The following TMEM164 variants were observed in gnomAD, a reference collection of about 807,000 sequenced individuals.
TMEM164 encodes RP13-360B22.2.
In TMEM164, 4 loss-of-function variants were observed where a neutral mutation model predicts 18.8. The observed-to-expected ratio is 0.21, with a 90% CI of 0.10 to 0.49. The LOEUF is 0.49. TMEM164 is among the 20% of genes least tolerant of loss of function. TMEM164 has a pLI of 0.98. For missense variants in TMEM164, 108 were observed against 239.9 expected, an observed-to-expected ratio of 0.45 and a Z score of 3.63; for synonymous variants, 86 against 101.7, an observed-to-expected ratio of 0.85 and a Z score of 0.93.
intron 3 of TMEM164, among the ~76,000 whole-genome samples, chrX:110,083,568 G>A (rs2065789963): frequency 9.0e-6 from 1 of 111,044 alleles, no homozygotes; most frequent in Admixed American, 9.6e-5. Flanking sequence ...GAATGTTTCT[G>A]TCAGGTTCTC....
intron 2 of TMEM164, among the ~76,000 whole-genome samples, chrX:110,017,903 C>T (rs1461709610): frequency 9.0e-6 from 1 of 111,571 alleles, no homozygotes; most frequent in East Asian, 2.8e-4. Context: ...GGTATAGCAA[C>T]TGTTTTTTTC....
At chrX:110,021,634 T>G (rs957199334) in intron 2 of TMEM164, among the ~76,000 whole-genome samples, 3 of 110,883 alleles carry the variant, frequency 2.7e-5, no homozygotes, top group African/African-American at 9.9e-5. Context: ...AGCAGGGTAG[T>G]TGAGAAGGGA....
chrX:110,140,121 C>A (rs2066748227), intron 4 of TMEM164, among the ~76,000 whole-genome samples: 2 of 111,297 alleles, frequency 1.8e-5, no homozygotes, highest in African/African-American at 6.5e-5. Flanking sequence ...AGGGGAAAGG[C>A]AAAACCTTCA....
At chrX:110,152,937 G>A (rs747657604) in intron 5 of TMEM164, among the ~76,000 whole-genome samples, 149 of 111,417 alleles carry the variant, frequency 1.3e-3, no homozygotes, top group African/African-American at 4.4e-3. Context: ...GCACAAGACC[G>A]TATGACCTGA....
intron 2 of TMEM164, among the ~76,000 whole-genome samples, chrX:110,033,067 G>A (rs1934589818): frequency 8.9e-6 from 1 of 111,924 alleles, no homozygotes; most frequent in South Asian, 3.7e-4. Flanking sequence ...TTGTTGGCAC[G>A]GGTTTATGTT....
chrX:110,020,563 A>G (rs764214991), intron 2 of TMEM164: 1 of 752,658 alleles, frequency 1.3e-6, no homozygotes, highest in African/African-American at 2.3e-5. Context: ...CCATCCAGGA[A>G]GTGGAATGAG....
At chrX:110,037,984 ATTTTT>A (rs1036705725) in intron 2 of TMEM164, among the ~76,000 whole-genome samples, 6 of 72,710 alleles carry the variant, frequency 8.3e-5, no homozygotes, top group African/African-American at 3.1e-4. Context: ...CTTTGGACTC[ATTTTT>A]TTTTTTTTTT....
rs1354733459 is a variant in TMEM164, at chrX:110,175,151, G to T, written c.*1700G>T. On this transcript the variant is annotated 3_prime_UTR_variant, in exon 7 of 7. Transcript: ENST00000372068. Reference sequence around the variant, plus strand: ...TGTTTTTGGCCCTCTTTGAAGGCAGGGCCAAACTTTTCTTAGTGCCTCTCA... The same window carrying T: ...TGTTTTTGGCCCTCTTTGAAGGCAGTGCCAAACTTTTCTTAGTGCCTCTCA... 8.9e-6 allele frequency: 1 copy of T among 112,630 alleles called. No homozygotes were observed. The highest frequency in any genetic ancestry group is 3.2e-5 in the African/African-American group (1 of 31,004). The allele number at this position is 112,630 out of a possible 1,213,427, so 9.3% of individuals were successfully genotyped here.
chrX:110,083,228 C>T (rs928719944), intron 3 of TMEM164, among the ~76,000 whole-genome samples: 1 of 111,286 alleles, frequency 9.0e-6, no homozygotes, highest in Non-Finnish European at 1.9e-5. Flanking sequence ...CTTGTCAGTC[C>T]ATCAAAAATT....
intron 5 of TMEM164, among the ~76,000 whole-genome samples, chrX:110,163,565 A>G (rs940776390): frequency 1.8e-5 from 2 of 112,139 alleles, no homozygotes; most frequent in African/African-American, 6.5e-5. Flanking sequence ...CAATTATTTC[A>G]AGGAATTTAG....
chrX:110,073,323 A>G (rs1046239724), intron 3 of TMEM164, among the ~76,000 whole-genome samples: 1 of 112,038 alleles, frequency 8.9e-6, no homozygotes, highest in Non-Finnish European at 1.9e-5. Context: ...GGCATGAGCT[A>G]CTATGCCTGG....
chrX:110,084,151 A>G lies in TMEM164; in HGVS notation c.440+16755A>G, dbSNP rs1162723769. The stretch of plus-strand genomic sequence containing the variant: ...GATGTTGTCTGTTGGTTTAAGTTAG[A>G]TGTTTTTTATAATATTAGGGAATTA... On this transcript the variant is annotated intron_variant, in intron 3 of 6. Coordinates refer to ENST00000372068, the MANE Select transcript of TMEM164 (RefSeq NM_032227.4). Among the ~76,000 whole-genome samples the G allele has an allele frequency of 5.6e-5, 6 of 107,701 alleles. No homozygotes were observed. In the East Asian group the frequency reaches 1.7e-3, roughly 31 times the overall value. 93.5% of individuals were successfully genotyped at this position (107,701 alleles called of 115,157 possible).
chrX:110,091,664 T>G (rs1320743990), intron 3 of TMEM164, among the ~76,000 whole-genome samples: 1 of 112,455 alleles, frequency 8.9e-6, no homozygotes, highest in Admixed American at 9.4e-5. Flanking sequence ...AGGTTGCCTG[T>G]TCATTCTGAT....
chrX:110,168,206 G>A (rs1286361415), intron 5 of TMEM164, among the ~76,000 whole-genome samples: 1 of 112,957 alleles, frequency 8.9e-6, no homozygotes, highest in Non-Finnish European at 1.9e-5. Context: ...TATGCCCACC[G>A]CAGCCAGGGT....
intron 5 of TMEM164, among the ~76,000 whole-genome samples, chrX:110,160,024 G>A (rs2067071049): frequency 9.0e-6 from 1 of 111,441 alleles, no homozygotes; most frequent in South Asian, 3.8e-4. Context: ...CAAGGTGGTT[G>A]GAGGAAAGTG....
At chrX:110,147,163 C>G (rs991572964) in intron 5 of TMEM164, among the ~76,000 whole-genome samples, 1 of 111,980 alleles carries the variant, frequency 8.9e-6, no homozygotes, top group Admixed American at 9.4e-5. Flanking sequence ...TGGGACCTCT[C>G]TCATCCACAC....
intron 2 of TMEM164, among the ~76,000 whole-genome samples, chrX:110,031,087 G>A (rs746718795): frequency 4.4e-4 from 49 of 110,784 alleles, no homozygotes; most frequent in Non-Finnish European, 8.1e-4. Context: ...CCCGGCATGT[G>A]ATGTTCCCTT....
In TMEM164 at chrX:110,173,154, G is replaced by A. The variant is rs1358125672; in HGVS notation, c.688-91G>A. 26 of 916,031 alleles carry A rather than the reference G, an allele frequency of 2.8e-5. No individual in the cohort carries two copies. The East Asian group carries it at 7.7e-4, about 27-fold the overall frequency. 75.5% of individuals were successfully genotyped at this position (916,031 alleles called of 1,213,427 possible). A position where few individuals can be genotyped will look rare whatever the true frequency, so the allele number is the denominator to read the frequency against. On this transcript the variant is annotated intron_variant, in intron 6 of 6. Coordinates refer to ENST00000372068, the MANE Select transcript of TMEM164 (RefSeq NM_032227.4). Reference sequence around the variant, plus strand: ...GGATTGGTCAATCCCTCCTTGTCTAGTCCCCCATTAGGTAGAGATGGCTGA... The same window carrying A: ...GGATTGGTCAATCCCTCCTTGTCTAATCCCCCATTAGGTAGAGATGGCTGA...
intron 4 of TMEM164, among the ~76,000 whole-genome samples, chrX:110,110,682 T>C (rs1055688684): frequency 1.1e-4 from 12 of 112,344 alleles, no homozygotes; most frequent in Admixed American, 2.8e-4. Flanking sequence ...GAGGGTCTGA[T>C]TGAGAGAGTC....
Sources: allele counts gnomAD v4.1 joint callset (sites outside exome capture counted in the v4.1 genomes callset), GRCh38; gene constraint gnomAD v4.1.1; transcripts MANE v1.5; gene names NCBI Gene and HGNC (gene_info 2026-07-23, HGNC 2026-07-21).